Variants in TTLL11 observed in about 807,000 individuals in gnomAD.
TTLL11 encodes tubulin tyrosine ligase like 11, also known as tubulin polyglutamylase TTLL11.
A neutral mutation model predicts 51.7 loss-of-function variants in TTLL11; 42 were observed. The observed-to-expected ratio is 0.81, with a 90% confidence interval of 0.64 to 1.05. The LOEUF (loss-of-function observed/expected upper bound fraction) is 1.05. Ranked by LOEUF, TTLL11 falls within the 50% of genes least tolerant of loss-of-function variation. The pLI, the probability that TTLL11 is intolerant of heterozygous loss-of-function variation, is 0.00. For synonymous variants in TTLL11, 381 were observed against 383.5 expected (o/e 0.99, Z 0.08); for missense variants, 799 against 940.4 (o/e 0.85, Z 1.97).
At chr9:121,913,156 T>G (rs920124475) in intron 6 of TTLL11, among the ~76,000 whole-genome samples, 33 of 152,222 alleles carry the variant, frequency 2.2e-4, no homozygotes, top group Admixed American at 2.1e-3. Flanking sequence ...TGACTCCCTT[T>G]TTGTTTGTTT....
At chr9:121,953,763 C>T (rs752869751) in intron 6 of TTLL11, among the ~76,000 whole-genome samples, 1 of 151,730 alleles carries the variant, frequency 6.6e-6, no homozygotes, top group Non-Finnish European at 1.5e-5. Context: ...GCAAAGCAAC[C>T]AAAAAACCCG....
At chr9:121,825,498 C>T (rs998849357) in intron 8 of TTLL11, among the ~76,000 whole-genome samples, 2 of 152,174 alleles carry the variant, frequency 1.3e-5, no homozygotes. Context: ...AGCACGTCTT[C>T]CTCTATAAAG....
intron 3 of TTLL11, among the ~76,000 whole-genome samples, chr9:121,993,307 T>C (rs1283775862): frequency 2.0e-5 from 3 of 152,244 alleles, no homozygotes; most frequent in African/African-American, 7.2e-5. Flanking sequence ...GTCATGTATA[T>C]TTTACCAAAA....
In TTLL11 at chr9:122,050,853, CAG is replaced by C. The variant is rs1845138460; in HGVS notation, c.463-11487_463-11486del. Among the ~76,000 whole-genome samples, 2 of 152,188 alleles carry C rather than the reference CAG, an allele frequency of 1.3e-5. 1 individual carries two copies. The highest frequency in any genetic ancestry group is 1.3e-4 in the Admixed American group (2 of 15,280). ...AGCTTGGAAGTGGATCTGTCAGCCC[CAG>C]TCAAGTACTCAGGGTCTGCGGCTCT... On this transcript the variant is annotated intron_variant, in intron 1 of 8. Transcript: ENST00000321582.
In TTLL11 at chr9:121,860,346, G is replaced by T. The variant is rs1837967274; in HGVS notation, c.1831C>A (p.Arg611=). The T allele has an allele frequency of 3.2e-6, 5 of 1,550,892 alleles. No homozygotes were observed. Among genetic ancestry groups the T allele is most frequent in the African/African-American group, 1.4e-5 (1 of 73,008 alleles). The change falls in exon 8 of 9, where the codon CGG becomes AGG. Residue 611 remains arginine, a synonymous_variant. Coordinates refer to ENST00000321582, the MANE Select transcript of TTLL11 (RefSeq NM_001139442.2). ...GGCATTTGTCAAATACCTGAGTCCCGCTGGTCCAGGGTCATGGAGTTCCAC... is the reference window on the plus strand; with the variant it reads ...GGCATTTGTCAAATACCTGAGTCCCTCTGGTCCAGGGTCATGGAGTTCCAC... ...RRWNSMTLDQ[R]DSGMCLQAFV...
At chr9:121,904,426 C>T (rs373322194) in intron 6 of TTLL11, among the ~76,000 whole-genome samples, 16 of 152,340 alleles carry the variant, frequency 1.1e-4, no homozygotes, top group African/African-American at 2.9e-4. Flanking sequence ...CTGCCCGCCT[C>T]GGCCTCCAAA....
intron 6 of TTLL11, among the ~76,000 whole-genome samples, chr9:121,942,011 G>A (rs1841492591): frequency 6.6e-6 from 1 of 152,124 alleles, no homozygotes; most frequent in Admixed American, 6.5e-5. Context: ...ACCAGGAAGG[G>A]CAAGAATAAC....
At chr9:122,051,630 TTC>T (rs1372920664) in intron 1 of TTLL11, among the ~76,000 whole-genome samples, 1 of 151,944 alleles carries the variant, frequency 6.6e-6, no homozygotes, top group African/African-American at 2.4e-5. Flanking sequence ...CTCTCTCTCT[TTC>T]TCTCTCTCTG....
At chr9:121,983,985 C>T (rs540091074) in intron 4 of TTLL11, among the ~76,000 whole-genome samples, 53 of 152,162 alleles carry the variant, frequency 3.5e-4, no homozygotes, top group African/African-American at 1.2e-3. Context: ...TTGAATAGCA[C>T]CTTAGAAGGC....
intron 8 of TTLL11, among the ~76,000 whole-genome samples, chr9:121,844,247 A>G (rs569695986): frequency 1.3e-5 from 2 of 152,280 alleles, no homozygotes; most frequent in Non-Finnish European, 2.9e-5. Flanking sequence ...TCCAAGAAAA[A>G]GATTCCATTT....
intron 6 of TTLL11, among the ~76,000 whole-genome samples, chr9:121,921,286 C>T (rs1210819752): frequency 1.3e-5 from 2 of 152,020 alleles, no homozygotes; most frequent in East Asian, 3.9e-4. Flanking sequence ...TGTTTTGTGC[C>T]AAGAAGTATT....
At chr9:122,035,832 A>G (rs537365978) in intron 2 of TTLL11, among the ~76,000 whole-genome samples, 7 of 152,260 alleles carry the variant, frequency 4.6e-5, no homozygotes, top group Admixed American at 3.3e-4. Context: ...GTGGCTCCCT[A>G]TGACCTTCAG....
chr9:122,089,575 T>C (rs1015136584), intron 1 of TTLL11, among the ~76,000 whole-genome samples: 2 of 152,194 alleles, frequency 1.3e-5, no homozygotes, highest in African/African-American at 4.8e-5. Context: ...ACCTCCACAC[T>C]AGGGTGTCAA....
intron 6 of TTLL11, among the ~76,000 whole-genome samples, chr9:121,927,480 A>G (rs920251932): frequency 6.6e-6 from 1 of 152,232 alleles, no homozygotes; most frequent in Non-Finnish European, 1.5e-5. Flanking sequence ...GGATCAGTCA[A>G]TCCTGCTACA....
At position 121,853,899 on chromosome 9, in the gene TTLL11, GC is replaced by G. The variant is rs1044135566; in HGVS notation, c.1840+6437del. On this transcript the variant is annotated intron_variant, in intron 8 of 8. Transcript: ENST00000321582. This position sits in a 1 kb window ranked among gnomAD's most constrained non-coding sequence, Gnocchi z 5.6. ...TGCAGAGCAGCTGGCAGGGGTAGGTGCCCCAGAAGCACTTCCCGAGAAAGTA... is the reference window on the plus strand; with the variant it reads ...TGCAGAGCAGCTGGCAGGGGTAGGTGCCCAGAAGCACTTCCCGAGAAAGTA... 8.5e-5 allele frequency among the ~76,000 whole-genome samples: 13 copies of G among 152,200 alleles called. No homozygotes were observed. The highest frequency in any genetic ancestry group is 2.9e-4 in the African/African-American group (12 of 41,458).
intron 6 of TTLL11, among the ~76,000 whole-genome samples, chr9:121,901,244 G>A (rs553677176): frequency 3.3e-5 from 5 of 152,302 alleles, no homozygotes; most frequent in African/African-American, 1.2e-4. Context: ...TTTTAGCAGA[G>A]TCTTTAGGGT....
intron 4 of TTLL11, among the ~76,000 whole-genome samples, chr9:121,983,641 G>A (rs140760516): frequency 7.9e-5 from 12 of 152,218 alleles, no homozygotes; most frequent in South Asian, 2.1e-4. Context: ...CATGCTTTAC[G>A]CTCCAGCTTA....
At chr9:121,921,117 C>T (rs1196435878) in intron 6 of TTLL11, among the ~76,000 whole-genome samples, 1 of 152,170 alleles carries the variant, frequency 6.6e-6, no homozygotes, top group East Asian at 1.9e-4. Context: ...TATTTACTGA[C>T]CAATCAAAGA....
At chr9:121,862,971 G>C (rs1340797306) in intron 7 of TTLL11, among the ~76,000 whole-genome samples, 1 of 152,174 alleles carries the variant, frequency 6.6e-6, no homozygotes, top group Non-Finnish European at 1.5e-5. Flanking sequence ...GGCTGGGCAT[G>C]TGCCCCGCAT....
Sources: allele counts gnomAD v4.1 joint callset (sites outside exome capture counted in the v4.1 genomes callset), GRCh38; gene constraint gnomAD v4.1.1; non-coding constraint Gnocchi (gnomAD v3.1); transcripts MANE v1.5; gene names NCBI Gene and HGNC (gene_info 2026-07-23, HGNC 2026-07-21).